The following SCMH1 variants were observed in gnomAD, a reference collection of about 807,000 sequenced individuals.
The protein encoded by SCMH1 is Scm polycomb group protein homolog 1.
In SCMH1, 37 loss-of-function variants were observed where a neutral mutation model predicts 70.8. That is an observed-to-expected ratio of 0.52 (90% CI 0.40 to 0.69). The LOEUF (loss-of-function observed/expected upper bound fraction) is 0.69, where lower values mean the gene tolerates loss of function less well. SCMH1 is among the 30% of genes least tolerant of loss of function. SCMH1 has a pLI of 0.00. For missense variants in SCMH1, 607 were observed against 827.3 expected (o/e 0.73, Z 3.27); for synonymous variants, 292 against 307.4 (o/e 0.95, Z 0.52).
intron 8 of SCMH1, among the ~76,000 whole-genome samples, chr1:41,100,276 T>C (rs1185350039): frequency 6.6e-6 from 1 of 152,128 alleles, no homozygotes; most frequent in African/African-American, 2.4e-5. Context: ...ACTTTCCACT[T>C]AGCCTGGGCA....
At chr1:41,185,936 A>G (rs1650085037) in intron 2 of SCMH1, 185 bp downstream of exon 2, 1 of 472,756 alleles carries the variant, frequency 2.1e-6, no homozygotes, top group Admixed American at 3.7e-5. Flanking sequence ...TTAAGTATTT[A>G]AAAAGCAAAA....
At chr1:41,111,252 T>C (rs1669175644) in intron 8 of SCMH1, among the ~76,000 whole-genome samples, 1 of 152,218 alleles carries the variant, frequency 6.6e-6, no homozygotes, top group Admixed American at 6.5e-5. Context: ...GGTTCCCTAA[T>C]ATGTTTAGAA....
At chr1:41,032,567 G>A (rs1197878005) in intron 13 of SCMH1, among the ~76,000 whole-genome samples, 4 of 152,192 alleles carry the variant, frequency 2.6e-5, no homozygotes, top group African/African-American at 4.8e-5. Context: ...TGGCTTTTCT[G>A]AGTGAAATAG....
At chr1:41,171,596 A>G (rs1296658994) in intron 2 of SCMH1, among the ~76,000 whole-genome samples, 1 of 152,190 alleles carries the variant, frequency 6.6e-6, no homozygotes, top group African/African-American at 2.4e-5. Context: ...CAACAGCTGT[A>G]TAATATACAT....
At chr1:41,131,054 G>A (rs1041875580) in intron 6 of SCMH1, among the ~76,000 whole-genome samples, 15 of 152,090 alleles carry the variant, frequency 9.9e-5, no homozygotes, top group African/African-American at 3.6e-4. Context: ...TTAGGTCCAT[G>A]ATCCACTTGA....
chr1:41,197,185 T>C (rs1052962650), intron 1 of SCMH1, among the ~76,000 whole-genome samples: 1 of 152,138 alleles, frequency 6.6e-6, no homozygotes, highest in African/African-American at 2.4e-5. Context: ...CCAGCAATTC[T>C]ACCCCTAGTT....
At chr1:41,138,923 AG>A (rs1222391745) in intron 6 of SCMH1, among the ~76,000 whole-genome samples, 5 of 152,206 alleles carry the variant, frequency 3.3e-5, no homozygotes, top group African/African-American at 1.2e-4. Context: ...TTCCCAGACC[AG>A]CAAAAAAACA....
chr1:41,230,889 G>C (rs1661172513), intron 1 of SCMH1, among the ~76,000 whole-genome samples: 1 of 152,142 alleles, frequency 6.6e-6, no homozygotes. Context: ...AGGCGATTCT[G>C]ATATTCAACA....
chr1:41,214,426 T>A (rs1056914185), intron 1 of SCMH1, among the ~76,000 whole-genome samples: 6 of 152,176 alleles, frequency 3.9e-5, no homozygotes, highest in African/African-American at 4.8e-5. Context: ...TCATATTTTG[T>A]CTTACTTGAA....
At chr1:41,038,971 T>C (rs1439250031) in intron 12 of SCMH1, among the ~76,000 whole-genome samples, 1 of 152,208 alleles carries the variant, frequency 6.6e-6, no homozygotes, top group East Asian at 1.9e-4. Flanking sequence ...CCTATCATGC[T>C]GAGAACATCA....
chr1:41,156,430 A>G (rs1385405026), intron 4 of SCMH1, among the ~76,000 whole-genome samples: 3 of 152,160 alleles, frequency 2.0e-5, no homozygotes, highest in African/African-American at 7.2e-5. Flanking sequence ...TGGTAATTTA[A>G]GTGTCTTTAT....
intron 5 of SCMH1, among the ~76,000 whole-genome samples, chr1:41,151,012 C>A (rs371109705): frequency 6.7e-6 from 1 of 149,978 alleles, no homozygotes; most frequent in Non-Finnish European, 1.5e-5. Context: ...GAGGAAATAA[C>A]CCTTGAGTAC....
In SCMH1 at chr1:41,116,918, C is replaced by T; in HGVS notation, c.501+4G>A. On this transcript the variant is annotated splice_donor_region_variant and intron_variant, in intron 7 of 14. Coordinates refer to ENST00000337495, the Ensembl canonical transcript of SCMH1. ...GAGCTGGTGATATCTGAGGGATAGC[C>T]TACCTTGTGGAAAATCCTGATGGGA... 2 of 1,595,000 alleles carry T rather than the reference C, an allele frequency of 1.3e-6. No homozygotes were observed. The highest frequency in any genetic ancestry group is 3.3e-4 in the Middle Eastern group (2 of 6,018).
intron 1 of SCMH1, among the ~76,000 whole-genome samples, chr1:41,220,783 T>C (rs1404137513): frequency 6.6e-6 from 1 of 152,216 alleles, no homozygotes; most frequent in Non-Finnish European, 1.5e-5. Context: ...TTTTGAAATC[T>C]GAACAAGGTA....
chr1:41,208,426 GA>G (rs1473321195), intron 1 of SCMH1, among the ~76,000 whole-genome samples: 2 of 56,752 alleles, frequency 3.5e-5, no homozygotes, highest in African/African-American at 1.0e-4. Flanking sequence ...TAGAGTATAA[GA>G]AAAAAATTAA....
intron 2 of SCMH1, among the ~76,000 whole-genome samples, chr1:41,175,135 T>C (rs935660528): frequency 1.3e-5 from 2 of 152,222 alleles, no homozygotes; most frequent in African/African-American, 4.8e-5. Context: ...TGGTATTTAT[T>C]GAAGAGATTA....
At chr1:41,179,311 GA>G (rs1647972513) in intron 2 of SCMH1, among the ~76,000 whole-genome samples, 1 of 146,482 alleles carries the variant, frequency 6.8e-6, no homozygotes, top group Admixed American at 6.8e-5. Flanking sequence ...AAGAACTAGA[GA>G]AAGCAAGAGC....
intron 10 of SCMH1, among the ~76,000 whole-genome samples, chr1:41,066,591 G>A (rs1654680593): frequency 6.6e-6 from 1 of 151,872 alleles, no homozygotes; most frequent in Non-Finnish European, 1.5e-5. Context: ...TTGTTGTTTT[G>A]GAGACAGGGT....
At chr1:41,117,973 T>G (rs971433135) in intron 6 of SCMH1, among the ~76,000 whole-genome samples, 1 of 152,168 alleles carries the variant, frequency 6.6e-6, no homozygotes, top group Non-Finnish European at 1.5e-5. Flanking sequence ...TGGGCCCAGC[T>G]GTCTTTTATC....
Sources: allele counts gnomAD v4.1 joint callset (sites outside exome capture counted in the v4.1 genomes callset), GRCh38; gene constraint gnomAD v4.1.1; transcripts MANE v1.5; gene names NCBI Gene and HGNC (gene_info 2026-07-23, HGNC 2026-07-21).